DMP1: variants seen among roughly 807,000 people sequenced by gnomAD.
DMP1 encodes the protein dentin matrix acidic phosphoprotein 1, also known as dentin matrix protein 1.
DMP1 carries 20 observed loss-of-function variants against 14.6 expected under a neutral mutation model. That is an observed-to-expected ratio of 1.37 (90% CI 0.96 to 1.99). The LOEUF (loss-of-function observed/expected upper bound fraction) is 1.99, where lower values mean the gene tolerates loss of function less well. Among genes scored for constraint, DMP1 ranks in the 30% most tolerant of loss-of-function variants. The pLI, the probability that DMP1 is intolerant of heterozygous loss-of-function variation, is 0.00. For missense variants in DMP1, 567 were observed against 620.5 expected, an observed-to-expected ratio of 0.91 and a Z score of 0.92; for synonymous variants, 197 against 215.3, an observed-to-expected ratio of 0.91 and a Z score of 0.75.
At chr4:87,653,378 T>TA (rs1481369104) in intron 1 of DMP1, among the ~76,000 whole-genome samples, 1 of 113,838 alleles carries the variant, frequency 8.8e-6, no homozygotes. Flanking sequence ...ATTCAGGCAT[T>TA]ATCGAGTGAT....
intron 1 of DMP1, among the ~76,000 whole-genome samples, chr4:87,650,888 A>G (rs192649481): frequency 6.1e-4 from 93 of 152,328 alleles, no homozygotes; most frequent in Admixed American, 1.0e-3. Flanking sequence ...ATAAGTAACT[A>G]AAAGATGATT....
At chr4:87,655,432 G>A (rs754135392) in intron 1 of DMP1, among the ~76,000 whole-genome samples, 3 of 152,114 alleles carry the variant, frequency 2.0e-5, no homozygotes, top group Non-Finnish European at 4.4e-5. Context: ...ATTTACAAGT[G>A]TATCCCAAAC....
intron 1 of DMP1, among the ~76,000 whole-genome samples, chr4:87,652,254 T>C (rs561429107): frequency 5.8e-4 from 88 of 152,328 alleles, no homozygotes; most frequent in Middle Eastern, 3.4e-3. Context: ...CTTGTAGCTG[T>C]GGTTCACATT....
In DMP1 at chr4:87,662,500, A is replaced by C; in HGVS notation, c.722A>C (p.Glu241Ala). The C allele has an allele frequency of 1.2e-6, 2 of 1,614,192 alleles. No individual in the cohort carries two copies. The highest frequency in any genetic ancestry group is 1.7e-6 in the Non-Finnish European group (2 of 1,180,038). The change falls in exon 6 of 6, where the codon GAA (glutamate) becomes GCA (alanine). Residue 241 changes from glutamate to alanine, a missense_variant. By Grantham distance (107) the Glu-to-Ala change is moderately radical. Coordinates refer to ENST00000339673, the MANE Select transcript of DMP1 (RefSeq NM_004407.4). ...RMNSAGMKSK[E>A]SGENSEQANT... is the part of the protein sequence containing the mutation. The stretch of plus-strand genomic sequence containing the variant: ...AACAGTGCAGGCATGAAATCAAAAG[A>C]ATCTGGAGAAAACAGTGAGCAAGCA...
intron 1 of DMP1, among the ~76,000 whole-genome samples, chr4:87,653,386 G>GATAGATAT (rs1728574161): frequency 1.7e-5 from 1 of 57,728 alleles, no homozygotes; most frequent in Non-Finnish European, 3.6e-5. Context: ...ATTATCGAGT[G>GATAGATAT]ATATATATAT....
chr4:87,661,866 A>G, intron 5 of DMP1, 96 bp from the exon 6 acceptor site: 2 of 1,603,354 alleles, frequency 1.2e-6, no homozygotes, highest in Non-Finnish European at 1.7e-6. Context: ...GAGGGGATGT[A>G]GGGCGAAGGA....
chr4:87,654,118 G>A (rs975134216), intron 1 of DMP1, among the ~76,000 whole-genome samples: 7 of 152,158 alleles, frequency 4.6e-5, no homozygotes, highest in African/African-American at 1.7e-4. Flanking sequence ...ATATGGGACA[G>A]GACCTTCTCT....
Position 87,662,556 on chromosome 4 carries a change from C to T in DMP1, c.778C>T (p.Leu260=), listed in dbSNP as rs1419446818. The stretch of plus-strand genomic sequence containing the variant: ...TCAAGATTCAGGTGGCAGCCAATTG[C>T]TGGAGCATCCCAGTAGGAAAATTTT... ...NTQDSGGSQL[L]EHPSRKIFRK... Residue 260 remains leucine (L), a synonymous_variant, in exon 6 of 6, where the codon CTG becomes TTG. Coordinates refer to ENST00000339673, the MANE Select transcript of DMP1 (RefSeq NM_004407.4). 1.2e-6 allele frequency: 2 copies of T among 1,614,014 alleles called. No homozygotes were observed. Among genetic ancestry groups the T allele is most frequent in the South Asian group, 2.2e-5 (2 of 91,082 alleles).
At position 87,661,921 on chromosome 4, in the gene DMP1, T is replaced by C. The variant is rs1728899023; in HGVS notation, c.184-41T>C. ...CTCTAGATAACTCCTTCTCTATCGG[T>C]TCCTGGAATACTGACCATATCTGTT... is the stretch of plus-strand genomic sequence containing the variant. On this transcript the variant is annotated intron_variant, in intron 5 of 5. Coordinates refer to ENST00000339673, the MANE Select transcript of DMP1 (RefSeq NM_004407.4). 7 of 1,614,094 alleles carry C rather than the reference T, an allele frequency of 4.3e-6. No homozygotes were observed. The East Asian group carries it at 1.1e-4, about 26-fold the overall frequency.
intron 1 of DMP1, among the ~76,000 whole-genome samples, chr4:87,654,277 AC>A (rs1728622326): frequency 6.6e-6 from 1 of 152,220 alleles, no homozygotes; most frequent in Non-Finnish European, 1.5e-5. Flanking sequence ...GGTTTCTATA[AC>A]CTGCCTTTGG....
At chr4:87,654,755 A>G (rs1728637476) in intron 1 of DMP1, among the ~76,000 whole-genome samples, 1 of 152,262 alleles carries the variant, frequency 6.6e-6, no homozygotes, top group Non-Finnish European at 1.5e-5. Flanking sequence ...CATTTGTCTC[A>G]TGCTCAGTGA....
chr4:87,653,059 A>G (rs1443689368), intron 1 of DMP1, among the ~76,000 whole-genome samples: 1 of 152,088 alleles, frequency 6.6e-6, no homozygotes. Flanking sequence ...AAGCATTTTC[A>G]TATGTTTTTC....
Position 87,663,750 on chromosome 4 carries a change from A to T in DMP1, c.*430A>T, listed in dbSNP as rs530680659. On this transcript the variant is annotated 3_prime_UTR_variant, in exon 6 of 6. Transcript: ENST00000339673. Reference sequence around the variant, plus strand: ...AGAGTTAAAGAGGGATATGTATAAGAGAAACAAGAATTGTTACAACCCAGT... The same window carrying T: ...AGAGTTAAAGAGGGATATGTATAAGTGAAACAAGAATTGTTACAACCCAGT... The T allele has an allele frequency of 1.1e-5, 3 of 266,948 alleles. No individual in the cohort carries two copies. Among genetic ancestry groups the T allele is most frequent in the Non-Finnish European group, 2.2e-5 (3 of 138,718 alleles). 16.5% of individuals were successfully genotyped at this position (266,948 alleles called of 1,614,324 possible). A position where few individuals can be genotyped will look rare whatever the true frequency, so the allele number is the denominator to read the frequency against.
At position 87,663,079 on chromosome 4, in the gene DMP1, A is replaced by G; in HGVS notation, c.1301A>G (p.Gln434Arg). ...DENSSSQEGL[Q>R]SHSSSAESQS... ...AACAGCTCCAGCCAGGAGGGCCTCC[A>G]GTCTCACAGCAGCTCAGCAGAGAGT... Residue 434 changes from glutamine to arginine, a missense_variant, in exon 6 of 6, where the codon CAG (glutamine) becomes CGG (arginine). Physicochemically the swap from Gln to Arg is conservative, Grantham distance 43. Transcript: ENST00000339673. The G allele has an allele frequency of 6.2e-7, 1 of 1,614,236 alleles. No homozygotes were observed. The highest frequency in any genetic ancestry group is 8.5e-7 in the Non-Finnish European group (1 of 1,180,030).
In DMP1 at chr4:87,663,193, A is replaced by G. The variant is rs1308428387; in HGVS notation, c.1415A>G (p.Lys472Arg). 1 of 1,614,172 alleles carries G rather than the reference A, an allele frequency of 6.2e-7. No individual in the cohort carries two copies. Among genetic ancestry groups the G allele is most frequent in the Non-Finnish European group, 8.5e-7 (1 of 1,180,032 alleles). Residue 472 changes from lysine (K) to arginine (R), a missense_variant, in exon 6 of 6, where the codon AAA becomes AGA. Coordinates refer to ENST00000339673, the MANE Select transcript of DMP1 (RefSeq NM_004407.4). ...SKEDSNSTES[K>R]SSSEEDGQLK... ...GAAGATAGCAACTCCACGGAGAGCA[A>G]ATCAAGCAGTGAGGAAGATGGCCAG...
At position 87,663,065 on chromosome 4, in the gene DMP1, C is replaced by G. The variant is rs1442749162; in HGVS notation, c.1287C>G (p.Ser429Arg). Reference sequence around the variant, plus strand: ...CCCCTGAGGATGAGAACAGCTCCAGCCAGGAGGGCCTCCAGTCTCACAGCA... The same window carrying G: ...CCCCTGAGGATGAGAACAGCTCCAGGCAGGAGGGCCTCCAGTCTCACAGCA... ...PESPEDENSS[S>R]QEGLQSHSSS... The change falls in exon 6 of 6, where the codon AGC (serine) becomes AGG (arginine). Residue 429 changes from serine to arginine, a missense_variant. Ser to Arg is a moderately radical substitution (Grantham distance 110, BLOSUM62 -1). Coordinates refer to ENST00000339673, the MANE Select transcript of DMP1 (RefSeq NM_004407.4). 6.2e-7 allele frequency: 1 copy of G among 1,614,188 alleles called. No individual in the cohort carries two copies. Among genetic ancestry groups the G allele is most frequent in the Non-Finnish European group, 8.5e-7 (1 of 1,180,024 alleles).
intron 1 of DMP1, among the ~76,000 whole-genome samples, chr4:87,650,652 G>C (rs951247141): frequency 2.6e-5 from 4 of 152,110 alleles, no homozygotes; most frequent in Non-Finnish European, 5.9e-5. Flanking sequence ...AAAAGGGATA[G>C]TTTATAGAAC....
intron 1 of DMP1, among the ~76,000 whole-genome samples, chr4:87,652,760 A>G (rs1329111511): frequency 6.6e-6 from 1 of 152,220 alleles, no homozygotes; most frequent in African/African-American, 2.4e-5. Context: ...AAAATACAAG[A>G]GAATTCAATA....
chr4:87,654,336 G>C (rs1195470637), intron 1 of DMP1, among the ~76,000 whole-genome samples: 1 of 152,064 alleles, frequency 6.6e-6, no homozygotes, highest in African/African-American at 2.4e-5. Context: ...GAGAATGAGG[G>C]GCCAGAGATA....
Sources: gnomAD v4.1 joint callset for allele counts (sites outside exome capture counted in the v4.1 genomes callset) on GRCh38, gnomAD v4.1.1 for gene constraint, MANE v1.5 for transcripts, NCBI Gene and HGNC (gene_info 2026-07-23, HGNC 2026-07-21) for gene names.